GNG7: variants seen among roughly 807,000 people sequenced by gnomAD.
GNG7 encodes the protein G protein subunit gamma 7.
GNG7 carries 1 observed loss-of-function variant against 4.0 expected under a neutral mutation model. That is an observed-to-expected ratio of 0.25 (90% CI 0.09 to 1.18). The LOEUF is 1.18. GNG7 is among the 50% of genes most tolerant of loss of function. The probability of loss-of-function intolerance (pLI) is 0.50; values close to 1 mark genes in which losing one functional copy is unlikely to be tolerated. For synonymous variants in GNG7, 34 were observed against 36.9 expected (o/e 0.92, Z 0.29); for missense variants, 86 against 91.9 (o/e 0.94, Z 0.26).
chr19:2,612,686 AT>A (rs61243256), intron 2 of GNG7, among the ~76,000 whole-genome samples: 12,542 of 135,520 alleles, frequency 0.093, 1,110 homozygotes, highest in African/African-American at 0.23. Context: ...ACAGCTTAGA[AT>A]TTTTTTTTTT....
intron 1 of GNG7, among the ~76,000 whole-genome samples, chr19:2,673,245 G>A (rs535480666): frequency 4.3e-5 from 6 of 138,012 alleles, no homozygotes; most frequent in African/African-American, 1.3e-4. Context: ...GTGACAGAGC[G>A]AGATTCCATC....
chr19:2,548,873 T>G (rs10401399), intron 3 of GNG7, among the ~76,000 whole-genome samples: 36,848 of 152,002 alleles, frequency 0.24, 5,408 homozygotes, highest in African/African-American at 0.41. Flanking sequence ...GAGATGCTGA[T>G]ACCCAGAGAC....
intron 3 of GNG7, among the ~76,000 whole-genome samples, chr19:2,531,777 A>ACCCCC (rs1568233573): frequency 2.7e-4 from 39 of 146,942 alleles, no homozygotes; most frequent in African/African-American, 1.0e-3. Context: ...TCCCAAAAAA[A>ACCCCC]AAAAAAAATG....
intron 2 of GNG7, among the ~76,000 whole-genome samples, chr19:2,608,070 G>C (rs1361999027): frequency 1.3e-5 from 2 of 149,950 alleles, no homozygotes; most frequent in Non-Finnish European, 3.0e-5. Flanking sequence ...AAAAAAAAAG[G>C]TTAAGCCAAG....
intron 2 of GNG7, among the ~76,000 whole-genome samples, chr19:2,584,810 GGGAGGGAGGGAC>G (rs1449145879): frequency 9.6e-5 from 3 of 31,182 alleles, no homozygotes; most frequent in Non-Finnish European, 1.6e-4. Context: ...GAAGGAAGGA[GGGAGGGAGGGAC>G]GGAGGGAGGG....
intron 2 of GNG7, among the ~76,000 whole-genome samples, chr19:2,583,778 G>A: frequency 6.6e-6 from 1 of 152,106 alleles, no homozygotes; most frequent in East Asian, 1.9e-4. Flanking sequence ...ATTTAATTTA[G>A]GAGATTAGTT....
At chr19:2,680,418 G>A (rs1343442036) in intron 1 of GNG7, among the ~76,000 whole-genome samples, 4 of 151,880 alleles carry the variant, frequency 2.6e-5, no homozygotes, top group African/African-American at 9.7e-5. Flanking sequence ...CCAAAGTGCT[G>A]GGATTACAGG....
chr19:2,606,970 C>T (rs1981403446), intron 2 of GNG7, among the ~76,000 whole-genome samples: 1 of 151,950 alleles, frequency 6.6e-6, no homozygotes, highest in Non-Finnish European at 1.5e-5. Context: ...CCTGTAATCC[C>T]AGCACCTCAG....
chr19:2,555,138 A>G lies in GNG7; in HGVS notation c.-38+11T>C, dbSNP rs1238157246. On this transcript the variant is annotated intron_variant, in intron 3 of 4. Coordinates refer to ENST00000382159, the MANE Select transcript of GNG7 (RefSeq NM_052847.3). ...TTCCAACCTCATGAAGTAAGAGAAA[A>G]TGCCACATACCTTTTTTAGTTTTCC... is the stretch of plus-strand genomic sequence containing the variant. The G allele has an allele frequency of 6.6e-6, 1 of 152,182 alleles. No individual in the cohort carries two copies. The highest frequency in any genetic ancestry group is 6.6e-5 in the Admixed American group (1 of 15,258). The allele number at this position is 152,182 out of a possible 1,614,324, so 9.4% of individuals were successfully genotyped here. A position where few individuals can be genotyped will look rare whatever the true frequency, so the allele number is the denominator to read the frequency against.
At chr19:2,538,777 C>CT (rs771010706) in intron 3 of GNG7, 449 of 376,986 alleles carry the variant, frequency 1.2e-3, no homozygotes, top group East Asian at 2.5e-3. Flanking sequence ...TCTTTTTTTT[C>CT]TTTTTTTTTG....
chr19:2,560,108 ACT>A (rs959697119), intron 2 of GNG7, among the ~76,000 whole-genome samples: 17 of 151,268 alleles, frequency 1.1e-4, no homozygotes, highest in Middle Eastern at 6.8e-3. Flanking sequence ...CACGTCCATG[ACT>A]CTAATTTCTT....
rs3064559 is a variant in GNG7, at chr19:2,609,010, TTCTCTCTCTC to T, written c.-78+37204_-78+37213del. ...ATCATGCCTACCTAGTTCTTGTACA[TTCTCTCTCTC>T]TCTCTCTCTCTCTTTTTTTGTTTTG... On this transcript the variant is annotated intron_variant, in intron 2 of 4. Coordinates refer to ENST00000382159, the MANE Select transcript of GNG7 (RefSeq NM_052847.3). This position sits in a 1 kb window ranked among gnomAD's most constrained non-coding sequence, Gnocchi z 4.4. 2.7e-5 allele frequency among the ~76,000 whole-genome samples: 4 copies of T among 149,324 alleles called. No individual in the cohort carries two copies. The highest frequency in any genetic ancestry group is 4.5e-5 in the Non-Finnish European group (3 of 67,098).
In GNG7 at chr19:2,646,008, C is replaced by T. The variant is rs141492226; in HGVS notation, c.-78+216G>A. Reference sequence around the variant, plus strand: ...GCACCAGCAGGACCAGTGAGTGCCACGTTCCCTGCCTCGTGGGCGGGAAAC... The same window carrying T: ...GCACCAGCAGGACCAGTGAGTGCCATGTTCCCTGCCTCGTGGGCGGGAAAC... On this transcript the variant is annotated intron_variant, in intron 2 of 4. Coordinates refer to ENST00000382159, the MANE Select transcript of GNG7 (RefSeq NM_052847.3). Among the ~76,000 whole-genome samples, 646 of 152,302 alleles carry T rather than the reference C, an allele frequency of 4.2e-3. 2 individuals carry two copies. The highest frequency in any genetic ancestry group is 0.015 in the African/African-American group (628 of 41,562).
intron 2 of GNG7, among the ~76,000 whole-genome samples, chr19:2,601,433 C>T (rs59212283): frequency 0.014 from 2,147 of 152,236 alleles, 59 homozygotes; most frequent in African/African-American, 0.049. Context: ...ATTGCAGATA[C>T]ATGTACATGC....
At chr19:2,648,793 G>T (rs536984228) in intron 1 of GNG7, among the ~76,000 whole-genome samples, 1 of 152,182 alleles carries the variant, frequency 6.6e-6, no homozygotes, top group African/African-American at 2.4e-5. Flanking sequence ...GCATGCCCAC[G>T]GGGCTGCAGG....
intron 1 of GNG7, among the ~76,000 whole-genome samples, chr19:2,664,350 G>A (rs918464666): frequency 6.6e-6 from 1 of 152,240 alleles, no homozygotes; most frequent in Non-Finnish European, 1.5e-5. Context: ...GCAAAGGAAG[G>A]GGGCAGAGAG....
At chr19:2,639,947 AGAG>A (rs1982452850) in intron 2 of GNG7, among the ~76,000 whole-genome samples, 1 of 66,256 alleles carries the variant, frequency 1.5e-5, no homozygotes, top group Non-Finnish European at 2.9e-5. Flanking sequence ...GGAAGGAGGG[AGAG>A]AGGAAGGAGG....
chr19:2,620,506 G>A (rs568941946), intron 2 of GNG7, among the ~76,000 whole-genome samples: 100 of 152,236 alleles, frequency 6.6e-4, no homozygotes, highest in African/African-American at 2.2e-3. Flanking sequence ...GTTTCCTATC[G>A]AAACCAATTA....
chr19:2,605,738 T>G (rs1176364487), intron 2 of GNG7, among the ~76,000 whole-genome samples: 1 of 149,672 alleles, frequency 6.7e-6, no homozygotes, highest in East Asian at 2.0e-4. Context: ...GGTCTCGATC[T>G]CCTGACCTCG....
Sources: allele counts gnomAD v4.1 joint callset (sites outside exome capture counted in the v4.1 genomes callset), GRCh38; gene constraint gnomAD v4.1.1; non-coding constraint Gnocchi (gnomAD v3.1); transcripts MANE v1.5; gene names NCBI Gene and HGNC (gene_info 2026-07-23, HGNC 2026-07-21).